Variants in PABPC4L observed in about 807,000 individuals in gnomAD.
PABPC4L encodes the protein poly(A) binding protein cytoplasmic 4 like, also known as polyadenylate-binding protein 4-like.
For missense variants in PABPC4L, 452 were observed against 451.4 expected (o/e 1.00, Z -0.01); for synonymous variants, 169 against 164.1 (o/e 1.03, Z -0.23).
the PABPC4L span, among the ~76,000 whole-genome samples, chr4:134,080,886 A>AAC: frequency 1.3e-5 from 2 of 152,286 alleles, no homozygotes; most frequent in Non-Finnish European, 2.9e-5. Flanking sequence ...TGTTGTCACT[A>AAC]ACACACAGTG....
At chr4:134,188,198 A>G in the PABPC4L span, among the ~76,000 whole-genome samples, 1 of 152,110 alleles carries the variant, frequency 6.6e-6, no homozygotes, top group Admixed American at 6.6e-5. Context: ...AAAAACAACA[A>G]CAACACTACC....
chr4:134,119,282 G>A, the PABPC4L span, among the ~76,000 whole-genome samples: 1 of 151,416 alleles, frequency 6.6e-6, no homozygotes, highest in Admixed American at 6.6e-5. Context: ...CAAGTTAAAG[G>A]AAGATCTACA....
At chr4:133,972,512 T>A in the PABPC4L span, among the ~76,000 whole-genome samples, 2 of 152,150 alleles carry the variant, frequency 1.3e-5, no homozygotes, top group Non-Finnish European at 2.9e-5. Context: ...TGGGAGTTCC[T>A]TTGGGTCAAG....
chr4:134,026,717 AGTGAGGTCATTAGC>A, the PABPC4L span, among the ~76,000 whole-genome samples: 1 of 152,178 alleles, frequency 6.6e-6, no homozygotes, highest in African/African-American at 2.4e-5. Context: ...ATGAAGTTAA[AGTGAGGTCATTAGC>A]GTGAGCTCCA....
the PABPC4L span, among the ~76,000 whole-genome samples, chr4:134,187,686 T>A: frequency 6.6e-6 from 1 of 152,054 alleles, no homozygotes; most frequent in Non-Finnish European, 1.5e-5. Flanking sequence ...CCCTTCTTTT[T>A]TCCCTGATAA....
the PABPC4L span, among the ~76,000 whole-genome samples, chr4:133,969,069 A>T: frequency 6.6e-6 from 1 of 152,186 alleles, no homozygotes; most frequent in Non-Finnish European, 1.5e-5. Context: ...GGCACAGATT[A>T]TAAATTCAAA....
the PABPC4L span, among the ~76,000 whole-genome samples, chr4:134,022,419 CAT>C: frequency 2.6e-5 from 4 of 152,102 alleles, no homozygotes; most frequent in Admixed American, 2.6e-4. Context: ...CACACACACA[CAT>C]GCATGCACGC....
chr4:134,060,836 A>G, the PABPC4L span, among the ~76,000 whole-genome samples: 1 of 152,062 alleles, frequency 6.6e-6, no homozygotes, highest in Admixed American at 6.6e-5. Context: ...GACAAACTGC[A>G]TGTTTTCACT....
chr4:134,110,647 T>G, the PABPC4L span, among the ~76,000 whole-genome samples: 2 of 151,506 alleles, frequency 1.3e-5, no homozygotes, highest in African/African-American at 4.8e-5. Flanking sequence ...GGACCTTCTG[T>G]GGATACCAAA....
the PABPC4L span, among the ~76,000 whole-genome samples, chr4:134,074,594 A>G: frequency 6.6e-6 from 1 of 152,146 alleles, no homozygotes; most frequent in Non-Finnish European, 1.5e-5. Flanking sequence ...TGCTCCTAGT[A>G]CCAATTTACT....
At chr4:134,078,871 T>C in the PABPC4L span, among the ~76,000 whole-genome samples, 1 of 151,366 alleles carries the variant, frequency 6.6e-6, no homozygotes, top group Non-Finnish European at 1.5e-5. Context: ...TTTCTCCACG[T>C]TGGTCAGGCT....
chr4:133,977,177 T>A, the PABPC4L span, among the ~76,000 whole-genome samples: 29 of 152,150 alleles, frequency 1.9e-4, no homozygotes, highest in Non-Finnish European at 4.4e-5. Context: ...GGGACTCCTG[T>A]CCCTATTGCT....
the PABPC4L span, among the ~76,000 whole-genome samples, chr4:134,043,334 C>T: frequency 1.8e-4 from 27 of 152,196 alleles, 1 homozygote; most frequent in East Asian, 1.7e-3. Flanking sequence ...GTCACTGCTA[C>T]GTCCCTAATG....
chr4:134,110,073 C>T, the PABPC4L span, among the ~76,000 whole-genome samples: 1 of 151,852 alleles, frequency 6.6e-6, no homozygotes, highest in Non-Finnish European at 1.5e-5. Context: ...GCTTTTCTAC[C>T]TGAGGAAAAT....
chr4:134,166,531 C>A, the PABPC4L span, among the ~76,000 whole-genome samples: 1 of 152,096 alleles, frequency 6.6e-6, no homozygotes, highest in African/African-American at 2.4e-5. Flanking sequence ...GCCTTGGGCA[C>A]CATCCTCTTG....
the PABPC4L span, among the ~76,000 whole-genome samples, chr4:134,178,841 A>C: frequency 6.6e-6 from 1 of 152,160 alleles, no homozygotes; most frequent in East Asian, 1.9e-4. Flanking sequence ...GAAAGACAAA[A>C]ATGAAGAAAA....
chr4:134,018,764 C>T, the PABPC4L span, among the ~76,000 whole-genome samples: 1 of 152,030 alleles, frequency 6.6e-6, no homozygotes, highest in Admixed American at 6.6e-5. Flanking sequence ...AAAAAATTTT[C>T]TCCATATAAA....
At chr4:134,128,754 A>C in the PABPC4L span, among the ~76,000 whole-genome samples, 1 of 152,100 alleles carries the variant, frequency 6.6e-6, no homozygotes, top group African/African-American at 2.4e-5. Context: ...TAAAGAAATA[A>C]CACAATGAAA....
the PABPC4L span, among the ~76,000 whole-genome samples, chr4:134,073,449 C>T: frequency 6.6e-6 from 1 of 152,188 alleles, no homozygotes; most frequent in African/African-American, 2.4e-5. Context: ...GGTATAGGCC[C>T]CCTGCTGGTT....
Sources: gnomAD v4.1 joint callset for allele counts (sites outside exome capture counted in the v4.1 genomes callset) on GRCh38, gnomAD v4.1.1 for gene constraint, MANE v1.5 for transcripts, NCBI Gene and HGNC (gene_info 2026-07-23, HGNC 2026-07-21) for gene names.